Variants in CCNF observed in about 807,000 individuals in gnomAD.
The protein encoded by CCNF is cyclin-F.
CCNF carries 30 observed loss-of-function variants against 85.4 expected under a neutral mutation model. That is an observed-to-expected ratio of 0.35 (90% CI 0.26 to 0.48). The LOEUF is 0.48. Among genes scored for constraint, CCNF ranks in the 20% least tolerant of loss-of-function variants. The probability of loss-of-function intolerance (pLI) is 0.99; values close to 1 mark genes in which losing one functional copy is unlikely to be tolerated. For synonymous variants in CCNF, 439 were observed against 425.1 expected, an observed-to-expected ratio of 1.03 and a Z score of -0.40; for missense variants, 919 against 1,010.4, an observed-to-expected ratio of 0.91 and a Z score of 1.23.
Position 2,437,159 on chromosome 16 carries a change from T to C in CCNF, c.377T>C (p.Val126Ala). 2.5e-6 allele frequency: 4 copies of C among 1,607,806 alleles called. No individual in the cohort carries two copies. Among genetic ancestry groups the C allele is most frequent in the Non-Finnish European group, 3.4e-6 (4 of 1,175,362 alleles). ...GTGTCTGATGAGGCCCGCGCAGAAG[T>C]GAATGGCCTGAAGGCCTCTCGCTTC... ...LSVSDEARAE[V>A]NGLKASRFFS... Residue 126 changes from valine to alanine, a missense_variant, in exon 5 of 17, where the codon GTG becomes GCG. By Grantham distance (64) the Val-to-Ala change is moderately conservative (BLOSUM62 0). Around this residue, in one of 3 missense-constraint regions of CCNF, gnomAD observed 410 missense variants for 478.6 expected, o/e 0.86. Coordinates refer to ENST00000397066, the MANE Select transcript of CCNF (RefSeq NM_001761.3).
rs777122266 is a variant in CCNF at position 2,443,754 on chromosome 16, AAAC to A, written c.889_891del (p.Gln297del). 4.7e-5 allele frequency: 76 copies of A among 1,614,128 alleles called. No individual in the cohort carries two copies. The highest frequency in any genetic ancestry group is 6.0e-5 in the Non-Finnish European group (71 of 1,180,000). On this transcript the variant is annotated inframe_deletion, in exon 9 of 17. Transcript: ENST00000397066. Reference sequence around the variant, plus strand: ...ATTTCAGGCTTCCCAGGCTGTCAGTAAACAACAAGTCTTCTCCGTGCAGAAGGG... The same window carrying A: ...ATTTCAGGCTTCCCAGGCTGTCAGTAAACAAGTCTTCTCCGTGCAGAAGGG...
intron 3 of CCNF, 128 bp from the exon 4 acceptor site, chr16:2,435,664 CACATATATATATAT>C (rs1374511435): frequency 0.012 from 2,033 of 165,428 alleles, 26 homozygotes; most frequent in African/African-American, 0.022. Context: ...TGCACACACA[CACATATATATATAT>C]ATATATATAT....
chr16:2,453,531 C>A lies in CCNF; in HGVS notation c.1709C>A (p.Thr570Asn). 6.2e-7 allele frequency: 1 copy of A among 1,614,010 alleles called. No individual in the cohort carries two copies. The highest frequency in any genetic ancestry group is 8.5e-7 in the Non-Finnish European group (1 of 1,180,008). The change falls in exon 15 of 17, where the codon ACC (threonine) becomes AAC (asparagine). Residue 570 changes from threonine to asparagine, a missense_variant. Thr to Asn is a moderately conservative substitution (Grantham distance 65, BLOSUM62 0). This residue lies in a region of CCNF where 505 missense variants were observed against 514.8 expected (regional missense o/e 0.98). Transcript: ENST00000397066. The surrounding 1 kb of genome is among the most constrained non-coding windows in gnomAD (Gnocchi z 5.6). Reference protein sequence around the residue: ...AFLSSPSGRRTKRKRENSLQE... With the variant: ...AFLSSPSGRRNKRKRENSLQE... ...CTCAGCTCTCCCTCGGGGCGGAGAA[C>A]CAAACGGTTAGTTACCCTGCGTTCT...
intron 8 of CCNF, 89 bp downstream of exon 8, chr16:2,439,915 C>A: frequency 8.8e-7 from 1 of 1,139,526 alleles, no homozygotes; most frequent in Non-Finnish European, 1.3e-6. Flanking sequence ...CATTGGGGGG[C>A]AGGACTATCT....
chr16:2,449,805 C>A, intron 12 of CCNF, 23 bp from the exon 13 acceptor site: 3 of 1,089,746 alleles, frequency 2.8e-6, no homozygotes, highest in Non-Finnish European at 4.0e-6. Context: ...TCCCCTCCAC[C>A]CCTGGCCTGC....
chr16:2,432,105 C>CA (rs1226599267), intron 2 of CCNF, among the ~76,000 whole-genome samples: 5 of 152,170 alleles, frequency 3.3e-5, no homozygotes, highest in Non-Finnish European at 7.4e-5. Flanking sequence ...GCTGGGATTA[C>CA]AGGCATGAGC....
intron 11 of CCNF, 41 bp from the exon 12 acceptor site, chr16:2,449,241 C>T (rs773248714): frequency 4.1e-5 from 66 of 1,606,234 alleles, no homozygotes; most frequent in African/African-American, 1.3e-5. Context: ...ACCAAGGAGC[C>T]CCCGAGCGCT....
chr16:2,450,754 C>A (rs1410314832), intron 13 of CCNF, among the ~76,000 whole-genome samples: 1 of 152,204 alleles, frequency 6.6e-6, no homozygotes, highest in African/African-American at 2.4e-5. Flanking sequence ...GCAGCAGCCA[C>A]CCTCACTGGT....
At position 2,458,761 on chromosome 16, in the gene CCNF, ATG is replaced by A. The variant is rs1186237576; in HGVS notation, c.*1746_*1747del. On this transcript the variant is annotated 3_prime_UTR_variant, in exon 17 of 17. Transcript: ENST00000397066. ...TCCTGTCGACTGTGTGCCCCTGGGCATGTGTGAGCCTCAGTTTCCTCATCTGT... is the reference window on the plus strand; with the variant it reads ...TCCTGTCGACTGTGTGCCCCTGGGCATGTGAGCCTCAGTTTCCTCATCTGT... 6.6e-6 allele frequency: 1 copy of A among 152,306 alleles called. No individual in the cohort carries two copies. The allele number at this position is 152,306 out of a possible 1,614,324, so 9.4% of individuals were successfully genotyped here.
rs1334063281 is a variant in CCNF at position 2,453,421 on chromosome 16, C to T, written c.1599C>T (p.Tyr533=). 3 of 1,613,896 alleles carry T rather than the reference C, an allele frequency of 1.9e-6. No homozygotes were observed. The highest frequency in any genetic ancestry group is 2.5e-6 in the Non-Finnish European group (3 of 1,180,002). ...TAGCTTCCCCTCAGGTGCTGAGCTA[C>T]AGCCAGTTGTGTGCTGCATTAGGAG... ...GEISQEEVLS[Y]SQLCAALGVT... The change falls in exon 15 of 17, where the codon TAC becomes TAT. Residue 533 remains tyrosine, a synonymous_variant. Coordinates refer to ENST00000397066, the MANE Select transcript of CCNF (RefSeq NM_001761.3). The surrounding 1 kb of genome is among the most constrained non-coding windows in gnomAD (Gnocchi z 5.6).
Position 2,455,420 on chromosome 16 carries a change from G to T in CCNF, c.1741G>T (p.Asp581Tyr). The T allele has an allele frequency of 6.3e-7, 1 of 1,589,004 alleles. No individual in the cohort carries two copies. The highest frequency in any genetic ancestry group is 8.6e-7 in the Non-Finnish European group (1 of 1,160,174). ...GAAGCGGGAGAACAGCCTCCAGGAAGACAGAGGCAGCTTCGTTACCACCCC... is the reference window on the plus strand; with the variant it reads ...GAAGCGGGAGAACAGCCTCCAGGAATACAGAGGCAGCTTCGTTACCACCCC... ...KRKRENSLQE[D>Y]RGSFVTTPTA... is the part of the protein sequence containing the mutation. Residue 581 changes from aspartate (D) to tyrosine (Y), a missense_variant, in exon 16 of 17, where the codon GAC becomes TAC. Physicochemically the swap from Asp to Tyr is radical, Grantham distance 160 (BLOSUM62 -3). This residue lies in a region of CCNF where 505 missense variants were observed against 514.8 expected (regional missense o/e 0.98). Transcript: ENST00000397066.
intron 16 of CCNF, 100 bp downstream of exon 16, chr16:2,455,664 G>A: frequency 4.1e-6 from 6 of 1,454,144 alleles, no homozygotes; most frequent in Non-Finnish European, 5.5e-6. Context: ...GCTGTGGGAG[G>A]AAGATGTGCA....
At chr16:2,445,408 G>T (rs1187632571) in intron 9 of CCNF, 50 bp from the exon 10 acceptor site, 6 of 1,601,210 alleles carry the variant, frequency 3.7e-6, no homozygotes, top group Non-Finnish European at 5.1e-6. Flanking sequence ...CGCAGACAGG[G>T]ACACATGGAG....
rs1250921131 is a variant in CCNF, at chr16:2,442,884, TTA to T, written c.778-759_778-758del. ...TTATATTATATATATTATATTATAA[TTA>T]TATATTATATATTATATAATATATA... On this transcript the variant is annotated intron_variant, in intron 8 of 16. Coordinates refer to ENST00000397066, the MANE Select transcript of CCNF (RefSeq NM_001761.3). Among the ~76,000 whole-genome samples the T allele has an allele frequency of 1.4e-4, 4 of 29,344 alleles. No homozygotes were observed. The African/African-American group carries it at 1.7e-3, about 13-fold the overall frequency. The allele number at this position is 29,344 out of a possible 152,430, so 19.3% of individuals were successfully genotyped here.
chr16:2,439,592 A>G (rs978734737), intron 7 of CCNF, 135 bp downstream of exon 7: 16 of 893,870 alleles, frequency 1.8e-5, no homozygotes, highest in Admixed American at 1.0e-4. Context: ...TCCGGGAACC[A>G]CTGGTCAGTC....
intron 8 of CCNF, among the ~76,000 whole-genome samples, chr16:2,440,703 C>T (rs925296659): frequency 1.3e-5 from 2 of 152,196 alleles, no homozygotes; most frequent in Admixed American, 6.5e-5. Flanking sequence ...GATCTGCGCT[C>T]AAATGCTAGG....
Position 2,456,255 on chromosome 16 carries a change from G to A in CCNF, c.1886-290G>A. ...CAGGCAGACTGCGGGGTCCTTGCCA[G>A]AAGCCCAGTTAGTGTGAGTCCTGTC... is the stretch of plus-strand genomic sequence containing the variant. On this transcript the variant is annotated intron_variant, in intron 16 of 16. Transcript: ENST00000397066. This position sits in a 1 kb window ranked among gnomAD's most constrained non-coding sequence, Gnocchi z 4.5. 2.6e-6 allele frequency: 1 copy of A among 378,236 alleles called. No individual in the cohort carries two copies. The allele number at this position is 378,236 out of a possible 1,614,324, so 23.4% of individuals were successfully genotyped here.
intron 12 of CCNF, among the ~76,000 whole-genome samples, 162 bp from the exon 13 acceptor site, chr16:2,449,666 A>G (rs1426101879): frequency 1.3e-5 from 2 of 152,094 alleles, no homozygotes; most frequent in Non-Finnish European, 2.9e-5. Flanking sequence ...TTTCAAAACT[A>G]TTTTAAAAGG....
chr16:2,449,038 G>T (rs193020110), intron 11 of CCNF, 60 bp downstream of exon 11: 13,233 of 992,284 alleles, frequency 0.013, 294 homozygotes, highest in Non-Finnish European at 0.019. Flanking sequence ...GAGGGTGGGG[G>T]TGGGCATTCA....
Sources: gnomAD v4.1 joint callset for allele counts (sites outside exome capture counted in the v4.1 genomes callset) on GRCh38, gnomAD v4.1.1 for gene constraint, gnomAD v4.1.1 regional missense constraint, Gnocchi (gnomAD v3.1) non-coding constraint, MANE v1.5 for transcripts, NCBI Gene and HGNC (gene_info 2026-07-23, HGNC 2026-07-21) for gene names.